Variants in ANKRD44 observed in about 807,000 individuals in gnomAD.
ANKRD44 encodes the protein serine/threonine-protein phosphatase 6 regulatory ankyrin repeat subunit B.
A neutral mutation model predicts 116.0 loss-of-function variants in ANKRD44; 35 were observed. That is an observed-to-expected ratio of 0.30 (90% CI 0.23 to 0.40). The LOEUF (loss-of-function observed/expected upper bound fraction) is 0.40, where lower values mean the gene tolerates loss of function less well. Ranked by LOEUF, ANKRD44 falls within the 10% of genes least tolerant of loss-of-function variation. The pLI is 1.00. For synonymous variants in ANKRD44, 435 were observed against 461.8 expected, an observed-to-expected ratio of 0.94 and a Z score of 0.74; for missense variants, 1,014 against 1,242.6, an observed-to-expected ratio of 0.82 and a Z score of 2.77.
At chr2:197,196,303 T>C (rs1464675159) in intron 1 of ANKRD44, among the ~76,000 whole-genome samples, 1 of 152,202 alleles carries the variant, frequency 6.6e-6, no homozygotes, top group African/African-American at 2.4e-5. Context: ...TGTAGGTATA[T>C]TCAGTATAAT....
intron 1 of ANKRD44, among the ~76,000 whole-genome samples, chr2:197,300,475 G>A (rs1304136161): frequency 1.3e-5 from 2 of 152,082 alleles, no homozygotes; most frequent in Non-Finnish European, 2.9e-5. Context: ...ATACCCCTAA[G>A]CATAGTCTAA....
chr2:197,093,990 A>C (rs1320379090), intron 10 of ANKRD44, among the ~76,000 whole-genome samples: 1 of 152,206 alleles, frequency 6.6e-6, no homozygotes, highest in Non-Finnish European at 1.5e-5. Context: ...GCTAGTTCTA[A>C]TTTAGCTGTT....
intron 1 of ANKRD44, among the ~76,000 whole-genome samples, chr2:197,225,042 G>T (rs2081670335): frequency 6.6e-6 from 1 of 152,186 alleles, no homozygotes; most frequent in Non-Finnish European, 1.5e-5. Flanking sequence ...TTTAATGTGT[G>T]TGATGGGGAG....
At chr2:197,138,711 GT>G (rs1364753848) in intron 3 of ANKRD44, among the ~76,000 whole-genome samples, 5 of 152,128 alleles carry the variant, frequency 3.3e-5, no homozygotes, top group Non-Finnish European at 7.3e-5. Flanking sequence ...TGACCACACT[GT>G]GTTTCTGTCT....
chr2:197,157,162 C>A (rs1210772249), intron 2 of ANKRD44, among the ~76,000 whole-genome samples: 1 of 112,606 alleles, frequency 8.9e-6, no homozygotes, highest in African/African-American at 2.8e-5. Context: ...CACATTCTCA[C>A]TCTTACGTAA....
At chr2:197,083,877 A>G (rs754071113) in intron 13 of ANKRD44, among the ~76,000 whole-genome samples, 33 of 152,128 alleles carry the variant, frequency 2.2e-4, no homozygotes, top group Non-Finnish European at 4.4e-4. Flanking sequence ...TGAGGCTACA[A>G]AGACAGTGGC....
chr2:196,969,557 A>G (rs1041297248), intron 21 of ANKRD44, among the ~76,000 whole-genome samples: 3 of 152,252 alleles, frequency 2.0e-5, no homozygotes, highest in Non-Finnish European at 4.4e-5. Context: ...TCTATCACAC[A>G]GATGTAATCA....
At chr2:197,229,118 G>A (rs535032465) in intron 1 of ANKRD44, among the ~76,000 whole-genome samples, 15 of 152,324 alleles carry the variant, frequency 9.8e-5, no homozygotes, top group African/African-American at 2.2e-4. Context: ...CTACTGATGT[G>A]TTCACTTGAA....
intron 1 of ANKRD44, among the ~76,000 whole-genome samples, chr2:197,237,142 G>A (rs1352022722): frequency 2.6e-5 from 4 of 152,156 alleles, no homozygotes; most frequent in African/African-American, 9.7e-5. Context: ...ATAGCCGACT[G>A]TATTATTTCT....
chr2:197,066,414 AAC>A (rs1414769475), intron 16 of ANKRD44, among the ~76,000 whole-genome samples: 16 of 152,204 alleles, frequency 1.1e-4, no homozygotes, highest in Middle Eastern at 3.2e-3. Flanking sequence ...ACTCCTATTC[AAC>A]ACAGTGTTGG....
At chr2:197,169,153 C>T (rs1574596961) in intron 2 of ANKRD44, among the ~76,000 whole-genome samples, 1 of 152,116 alleles carries the variant, frequency 6.6e-6, no homozygotes, top group Admixed American at 6.5e-5. Flanking sequence ...GGAAGTTGCA[C>T]TCTCTCCCCT....
intron 6 of ANKRD44, among the ~76,000 whole-genome samples, chr2:197,123,102 C>G (rs1394830796): frequency 6.6e-6 from 1 of 152,036 alleles, no homozygotes; most frequent in East Asian, 1.9e-4. Context: ...TAGTAGAGAG[C>G]CTTTAAAAAT....
intron 21 of ANKRD44, among the ~76,000 whole-genome samples, chr2:196,975,962 A>G (rs2075757682): frequency 6.6e-6 from 1 of 152,202 alleles, no homozygotes; most frequent in East Asian, 1.9e-4. Flanking sequence ...ATCCAACAAC[A>G]TATAAAAATT....
intron 2 of ANKRD44, among the ~76,000 whole-genome samples, chr2:197,186,415 C>T (rs1212672907): frequency 6.6e-6 from 1 of 151,958 alleles, no homozygotes; most frequent in Non-Finnish European, 1.5e-5. Context: ...ATGCTCATCA[C>T]TATATTTAAA....
chr2:197,108,924 G>T (rs1250836049), intron 9 of ANKRD44, among the ~76,000 whole-genome samples: 1 of 152,140 alleles, frequency 6.6e-6, no homozygotes, highest in Non-Finnish European at 1.5e-5. Context: ...GCAGGACATG[G>T]AATTCTTCCA....
chr2:197,154,107 A>ACT (rs1312633232), intron 2 of ANKRD44, among the ~76,000 whole-genome samples: 1 of 150,140 alleles, frequency 6.7e-6, no homozygotes, highest in Non-Finnish European at 1.5e-5. Flanking sequence ...ACTAATTTAC[A>ACT]CTCCCACCAG....
In ANKRD44 at chr2:196,986,838, A is replaced by G. The variant is rs150348002; in HGVS notation, c.*2753T>C. On this transcript the variant is annotated 3_prime_UTR_variant, in exon 28 of 28. Coordinates refer to ENST00000282272, the MANE Select transcript of ANKRD44 (RefSeq NM_001195144.2). ...AAAGTCATTCACTGAACTAAAAGTC[A>G]TTTTCCCCATTTTTACAGTCATGAC... 7.4e-4 allele frequency: 730 copies of G among 985,410 alleles called. 3 individuals are homozygous for G. The African/African-American group carries it at 0.011, about 15-fold the overall frequency. 61.0% of individuals were successfully genotyped at this position (985,410 alleles called of 1,614,324 possible). A position where few individuals can be genotyped will look rare whatever the true frequency, so the allele number is the denominator to read the frequency against.
chr2:197,006,037 G>A, intron 20 of ANKRD44, 127 bp from the exon 21 acceptor site: 1 of 818,126 alleles, frequency 1.2e-6, no homozygotes, highest in South Asian at 1.6e-5. Flanking sequence ...GGCAGACTCT[G>A]TCCTATTTCA....
rs764060087 is a variant in ANKRD44 at position 197,081,699 on chromosome 2, T to C, written c.1484A>G (p.Asp495Gly). The change falls in exon 15 of 28, where the codon GAT (aspartate) becomes GGT (glycine). Residue 495 changes from aspartate to glycine, a missense_variant. By Grantham distance (94) the Asp-to-Gly change is moderately conservative (BLOSUM62 -1). Transcript: ENST00000282272. ...RNKTILGNAH[D>G]NSEELERARE... ...GGCTCTTTCAAGTTCTTCTGAATTA[T>C]CATGGGCATTTCCTAAGATAGTCTT... The C allele has an allele frequency of 4.3e-6, 7 of 1,613,988 alleles. No homozygotes were observed. In the East Asian group the frequency reaches 1.1e-4, roughly 26 times the overall value.
Sources: allele counts gnomAD v4.1 joint callset (sites outside exome capture counted in the v4.1 genomes callset), GRCh38; gene constraint gnomAD v4.1.1; transcripts MANE v1.5; gene names NCBI Gene and HGNC (gene_info 2026-07-23, HGNC 2026-07-21).